The following PDGFC variants were observed in gnomAD, a reference collection of about 807,000 sequenced individuals.
The protein encoded by PDGFC is platelet derived growth factor C.
A neutral mutation model predicts 35.5 loss-of-function variants in PDGFC; 12 were observed. That is an observed-to-expected ratio of 0.34 (90% CI 0.22 to 0.55). PDGFC has a LOEUF of 0.55. Ranked by LOEUF, PDGFC falls within the 20% of genes least tolerant of loss-of-function variation. The probability of loss-of-function intolerance (pLI) is 0.91; values close to 1 mark genes in which losing one functional copy is unlikely to be tolerated. For missense variants in PDGFC, 322 were observed against 412.4 expected (o/e 0.78, Z 1.90); for synonymous variants, 159 against 148.8 (o/e 1.07, Z -0.50).
chr4:156,804,616 C>T (rs539962107), intron 3 of PDGFC, among the ~76,000 whole-genome samples: 11 of 151,890 alleles, frequency 7.2e-5, no homozygotes, highest in Admixed American at 2.6e-4. Context: ...TCCTCCAAAA[C>T]GAGATAAGTT....
intron 1 of PDGFC, among the ~76,000 whole-genome samples, chr4:156,853,400 A>G (rs1579056598): frequency 6.6e-6 from 1 of 152,334 alleles, no homozygotes; most frequent in East Asian, 1.9e-4. Context: ...AAATAATTGT[A>G]ACGTTTTTAT....
At chr4:156,883,165 G>A (rs2111175518) in intron 1 of PDGFC, among the ~76,000 whole-genome samples, 1 of 150,954 alleles carries the variant, frequency 6.6e-6, no homozygotes, top group Admixed American at 6.6e-5. Context: ...CCATTTCTAA[G>A]CACTTTTCTG....
intron 1 of PDGFC, among the ~76,000 whole-genome samples, chr4:156,943,285 T>C (rs1485761404): frequency 2.0e-4 from 31 of 152,096 alleles, no homozygotes; most frequent in Admixed American, 2.0e-3. Flanking sequence ...TGTTAAACTG[T>C]TTTACTGGTA....
chr4:156,855,762 C>A (rs1452510592), intron 1 of PDGFC, among the ~76,000 whole-genome samples: 1 of 152,078 alleles, frequency 6.6e-6, no homozygotes, highest in African/African-American at 2.4e-5. Context: ...GTGGATATAG[C>A]TATTTCTGCA....
intron 2 of PDGFC, among the ~76,000 whole-genome samples, chr4:156,836,848 G>A (rs907562799): frequency 5.9e-5 from 9 of 151,996 alleles, no homozygotes; most frequent in Non-Finnish European, 1.2e-4. Flanking sequence ...AATCCTTAGA[G>A]GGGAAATAAA....
Position 156,915,177 on chromosome 4 carries a change from T to C in PDGFC, c.118+55609A>G, listed in dbSNP as rs117532222. On this transcript the variant is annotated intron_variant, in intron 1 of 5. Coordinates refer to ENST00000502773, the MANE Select transcript of PDGFC (RefSeq NM_016205.3). ...TAGCATTAAATGAATCCCCAAAACT[T>C]TATAAATCTAAACCTTCTTCCAACC... 7.8e-3 allele frequency among the ~76,000 whole-genome samples: 1,183 copies of C among 152,238 alleles called. 14 individuals carry two copies. The highest frequency in any genetic ancestry group is 0.074 in the East Asian group (382 of 5,180).
At chr4:156,874,252 C>T (rs183997282) in intron 1 of PDGFC, among the ~76,000 whole-genome samples, 207 of 152,080 alleles carry the variant, frequency 1.4e-3, no homozygotes, top group Middle Eastern at 6.8e-3. Context: ...ATTGTCTTAA[C>T]CATAATACAA....
intron 2 of PDGFC, among the ~76,000 whole-genome samples, chr4:156,834,077 T>C (rs998163578): frequency 6.6e-6 from 1 of 152,176 alleles, no homozygotes; most frequent in Admixed American, 6.5e-5. Context: ...TTCCCTCCTT[T>C]ATTTCATACC....
chr4:156,970,444 A>T (rs564899133), intron 1 of PDGFC, among the ~76,000 whole-genome samples: 1 of 152,230 alleles, frequency 6.6e-6, no homozygotes, highest in African/African-American at 2.4e-5. Flanking sequence ...GCCAAGGCTC[A>T]TTCATTTTGG....
At chr4:156,917,724 C>G (rs540855248) in intron 1 of PDGFC, among the ~76,000 whole-genome samples, 7 of 152,230 alleles carry the variant, frequency 4.6e-5, no homozygotes, top group Non-Finnish European at 8.8e-5. Flanking sequence ...CCAATTTTAA[C>G]CTACCTAATG....
chr4:156,846,451 G>A (rs1729328474), intron 2 of PDGFC, among the ~76,000 whole-genome samples: 1 of 151,734 alleles, frequency 6.6e-6, no homozygotes, highest in Non-Finnish European at 1.5e-5. Flanking sequence ...GAGACAGTCT[G>A]TAGAATGGTC....
At chr4:156,783,188 C>T (rs1244325743) in intron 3 of PDGFC, among the ~76,000 whole-genome samples, 4 of 151,982 alleles carry the variant, frequency 2.6e-5, no homozygotes, top group Non-Finnish European at 5.9e-5. Context: ...TGTGACAAAG[C>T]ATTGCTATTA....
chr4:156,825,609 A>AAGAAGAAGT (rs1341970263), intron 2 of PDGFC, among the ~76,000 whole-genome samples: 3 of 121,518 alleles, frequency 2.5e-5, no homozygotes, highest in African/African-American at 9.9e-5. Flanking sequence ...GAAGAAGAAG[A>AAGAAGAAGT]AGAAGAAGAA....
intron 1 of PDGFC, among the ~76,000 whole-genome samples, chr4:156,951,740 A>AC (rs908516394): frequency 1.3e-5 from 2 of 149,978 alleles, no homozygotes; most frequent in Admixed American, 6.6e-5. Flanking sequence ...AGAAAAAAAA[A>AC]AAAAAACAAA....
intron 3 of PDGFC, among the ~76,000 whole-genome samples, chr4:156,805,492 A>C (rs1731732687): frequency 6.6e-6 from 1 of 152,096 alleles, no homozygotes; most frequent in Admixed American, 6.6e-5. Flanking sequence ...ATGAAAATTT[A>C]ACATTTTAAA....
chr4:156,818,668 A>C (rs1732162811), intron 2 of PDGFC, among the ~76,000 whole-genome samples: 1 of 151,680 alleles, frequency 6.6e-6, no homozygotes, highest in African/African-American at 2.4e-5. Flanking sequence ...CTACCAGGCT[A>C]ATTTTTTGTA....
chr4:156,913,334 T>C (rs1182304957), intron 1 of PDGFC, among the ~76,000 whole-genome samples: 4 of 151,998 alleles, frequency 2.6e-5, no homozygotes, highest in Non-Finnish European at 5.9e-5. Flanking sequence ...CTACATGACC[T>C]ACAGGCTTGC....
At chr4:156,788,541 T>C (rs1256773934) in intron 3 of PDGFC, among the ~76,000 whole-genome samples, 1 of 152,204 alleles carries the variant, frequency 6.6e-6, no homozygotes, top group African/African-American at 2.4e-5. Context: ...TGCTTCTTAT[T>C]CAATGTGGAA....
At chr4:156,920,399 C>T (rs2110837653) in intron 1 of PDGFC, among the ~76,000 whole-genome samples, 1 of 152,216 alleles carries the variant, frequency 6.6e-6, no homozygotes, top group Admixed American at 6.5e-5. Context: ...CAGATGAAAG[C>T]CATTGACACT....
Sources: allele counts gnomAD v4.1 joint callset (sites outside exome capture counted in the v4.1 genomes callset), GRCh38; gene constraint gnomAD v4.1.1; transcripts MANE v1.5; gene names NCBI Gene and HGNC (gene_info 2026-07-23, HGNC 2026-07-21).